The following SERPINB3 variants were observed in gnomAD, a reference collection of about 807,000 sequenced individuals.
SERPINB3 encodes serpin B3.
In SERPINB3, 33 loss-of-function variants were observed where a neutral mutation model predicts 33.0. The observed-to-expected ratio is 1.00, with a 90% CI of 0.76 to 1.34. The LOEUF (loss-of-function observed/expected upper bound fraction) is 1.34, where lower values mean the gene tolerates loss of function less well. SERPINB3 is among the 40% of genes most tolerant of loss of function. The pLI, the probability that SERPINB3 is intolerant of heterozygous loss-of-function variation, is 0.00. For synonymous variants in SERPINB3, 200 were observed against 170.9 expected, an observed-to-expected ratio of 1.17 and a Z score of -1.33; for missense variants, 518 against 461.5, an observed-to-expected ratio of 1.12 and a Z score of -1.12.
chr18:63,658,088 T>G lies in SERPINB3; in HGVS notation c.469+425A>C, dbSNP rs141665454. On this transcript the variant is annotated intron_variant, in intron 5 of 7. Coordinates refer to ENST00000283752, the MANE Select transcript of SERPINB3 (RefSeq NM_006919.3). ...GTGATCCAGGCAGCTCTAGTTCAGA[T>G]GGCAAAAGGGTGATTTACCAGAGAG... 4.6e-4 allele frequency among the ~76,000 whole-genome samples: 70 copies of G among 152,250 alleles called. No homozygotes were observed. The East Asian group carries it at 0.013, about 29-fold the overall frequency.
At chr18:63,658,765 T>A (rs1163982667) in intron 4 of SERPINB3, 135 bp from the exon 5 acceptor site, 1 of 686,050 alleles carries the variant, frequency 1.5e-6, no homozygotes, top group Non-Finnish European at 2.4e-6. Flanking sequence ...TCCATGCATA[T>A]TTTTATACTG....
rs772500410 is a variant in SERPINB3 at position 63,660,844 on chromosome 18, C to T, written c.178G>A (p.Asp60Asn). ...CCTGTGGTGTTCTCTGTGACTTGAT[C>T]AAAGTGAAGAACCTGGAAGAGACAT... The part of the protein sequence containing the change: ...AQQIKKVLHF[D>N]QVTENTTGKA... Residue 60 changes from aspartate (D) to asparagine (N), a missense_variant, in exon 3 of 8, where the codon GAT (aspartate) becomes AAT (asparagine). Asp to Asn is a conservative substitution (Grantham distance 23, BLOSUM62 1). Transcript: ENST00000283752. 4.3e-6 allele frequency: 7 copies of T among 1,613,262 alleles called. No individual in the cohort carries two copies. Among genetic ancestry groups the T allele is most frequent in the South Asian group, 2.2e-5 (2 of 91,054 alleles).
chr18:63,660,923 C>T, intron 2 of SERPINB3, 67 bp from the exon 3 acceptor site: 1 of 1,612,184 alleles, frequency 6.2e-7, no homozygotes. Flanking sequence ...AGTGGTCTCA[C>T]AGTTACGGGA....
At chr18:63,656,116 C>A in intron 7 of SERPINB3, 55 bp from the exon 8 acceptor site, 7 of 1,560,784 alleles carry the variant, frequency 4.5e-6, no homozygotes, top group Non-Finnish European at 5.2e-6. Context: ...TCTAATACAC[C>A]TTAACAATGA....
chr18:63,658,194 T>C (rs1913548119), intron 5 of SERPINB3, among the ~76,000 whole-genome samples: 5 of 152,150 alleles, frequency 3.3e-5, no homozygotes, highest in Admixed American at 3.3e-4. Flanking sequence ...AAATATTGGT[T>C]CTGATTTAAA....
intron 1 of SERPINB3, 42 bp from the exon 2 acceptor site, chr18:63,661,284 T>C: frequency 6.5e-7 from 1 of 1,541,398 alleles, no homozygotes; most frequent in Admixed American, 1.8e-5. Flanking sequence ...CTTTAATAAA[T>C]GGAATGGTAT....
chr18:63,656,826 CT>C lies in SERPINB3; in HGVS notation c.768+4del. ...GAAGGAAGAGTTGTAGATGCAAGTT[CT>C]TACCTTCTGGAGACCATCGATTTCA... On this transcript the variant is annotated splice_donor_region_variant and intron_variant, in intron 7 of 7. Coordinates refer to ENST00000283752, the MANE Select transcript of SERPINB3 (RefSeq NM_006919.3). 6.2e-7 allele frequency: 1 copy of C among 1,600,686 alleles called. No homozygotes were observed. Among genetic ancestry groups the C allele is most frequent in the Non-Finnish European group, 8.5e-7 (1 of 1,171,352 alleles).
intron 7 of SERPINB3, 111 bp from the exon 8 acceptor site, chr18:63,656,172 C>T: frequency 1.6e-6 from 2 of 1,275,896 alleles, no homozygotes; most frequent in Non-Finnish European, 2.1e-6. Context: ...ATGTGAAATA[C>T]AGAAGGTTCA....
At chr18:63,657,152 T>G (rs1165803586) in intron 6 of SERPINB3, 118 bp downstream of exon 6, 8 of 896,734 alleles carry the variant, frequency 8.9e-6, no homozygotes, top group Non-Finnish European at 1.1e-5. Context: ...GTTATAAGAC[T>G]AAAACAACAA....
In SERPINB3 at chr18:63,661,204, T is replaced by C. The variant is rs546374165; in HGVS notation, c.13A>G (p.Ser5Gly). MNSL[S>G]EANTKFMFDL... The stretch of plus-strand genomic sequence containing the variant: ...AACATGAACTTGGTGTTGGCTTCAC[T>C]GAGTGAATTCATGGTGAACTCGATG... The change falls in exon 2 of 8, where the codon AGT becomes GGT. Residue 5 changes from serine to glycine, a missense_variant. Coordinates refer to ENST00000283752, the MANE Select transcript of SERPINB3 (RefSeq NM_006919.3). 299 of 1,613,344 alleles carry C rather than the reference T, an allele frequency of 1.9e-4. 2 individuals are homozygous for C. In the South Asian group the frequency reaches 3.0e-3, roughly 16 times the overall value.
chr18:63,658,087 A>G (rs1361123965), intron 5 of SERPINB3, among the ~76,000 whole-genome samples: 1 of 152,122 alleles, frequency 6.6e-6, no homozygotes, highest in Non-Finnish European at 1.5e-5. Flanking sequence ...TCTAGTTCAG[A>G]TGGCAAAAGG....
rs186898907 is a variant in SERPINB3 at position 63,657,053 on chromosome 18, G to A, written c.613-67C>T. ...CAAGGCAAAAAGATAATATTATTGAGATATCAACACATCCTTCTTTTAAGA... is the reference window on the plus strand; with the variant it reads ...CAAGGCAAAAAGATAATATTATTGAAATATCAACACATCCTTCTTTTAAGA... On this transcript the variant is annotated intron_variant, in intron 6 of 7. Coordinates refer to ENST00000283752, the MANE Select transcript of SERPINB3 (RefSeq NM_006919.3). 1.7e-5 allele frequency: 23 copies of A among 1,346,044 alleles called. No individual in the cohort carries two copies. In the African/African-American group the frequency reaches 2.9e-4, roughly 17 times the overall value. 83.4% of individuals were successfully genotyped at this position (1,346,044 alleles called of 1,614,324 possible).
chr18:63,657,141 A>C, intron 6 of SERPINB3, 129 bp downstream of exon 6: 1 of 904,738 alleles, frequency 1.1e-6, no homozygotes, highest in Non-Finnish European at 1.6e-6. Flanking sequence ...AACTAAATAA[A>C]GTTATAAGAC....
At position 63,655,599 on chromosome 18, in the gene SERPINB3, G is replaced by A; in HGVS notation, c.*58C>T. 6.6e-7 allele frequency: 1 copy of A among 1,525,006 alleles called. No individual in the cohort carries two copies. Among genetic ancestry groups the A allele is most frequent in the Admixed American group, 2.0e-5 (1 of 50,056 alleles). 94.5% of individuals were successfully genotyped at this position (1,525,006 alleles called of 1,614,324 possible). A position where few individuals can be genotyped will look rare whatever the true frequency, so the allele number is the denominator to read the frequency against. On this transcript the variant is annotated 3_prime_UTR_variant, in exon 8 of 8. Transcript: ENST00000283752. ...GAGAATCTGTTGTTGCCAGCAATCA[G>A]TTTACCAGAACATCTGCAGGTGAAC...
Position 63,657,778 on chromosome 18 carries a change from T to G in SERPINB3, c.470-366A>C, listed in dbSNP as rs1466454769. On this transcript the variant is annotated intron_variant, in intron 5 of 7. Transcript: ENST00000283752. ...CCCTCCCTCCTCTTCCTACTTTTTT[T>G]TTTTTTTTTTTAACTACGGGGTCCC... is the stretch of plus-strand genomic sequence containing the variant. Among the ~76,000 whole-genome samples the G allele has an allele frequency of 4.6e-5, 7 of 151,838 alleles. No individual in the cohort carries two copies. The East Asian group carries it at 1.3e-3, about 29-fold the overall frequency.
chr18:63,658,671 T>G (rs7228687), intron 4 of SERPINB3, 41 bp from the exon 5 acceptor site: 713,624 of 1,482,350 alleles, frequency 0.48, 182,029 homozygotes, highest in Non-Finnish European at 0.52. Flanking sequence ...TAAGAGTAAT[T>G]TATGTAACTA....
In SERPINB3 at chr18:63,658,505, T is replaced by C; in HGVS notation, c.469+8A>G. On this transcript the variant is annotated splice_region_variant and intron_variant, in intron 5 of 7. Coordinates refer to ENST00000283752, the MANE Select transcript of SERPINB3 (RefSeq NM_006919.3). Reference sequence around the variant, plus strand: ...CAAAGGTGTTTCTATAATGGGTGGCTCTCCTACCATTCGTTTGACTTTCCA... The same window carrying C: ...CAAAGGTGTTTCTATAATGGGTGGCCCTCCTACCATTCGTTTGACTTTCCA... 2 of 1,606,090 alleles carry C rather than the reference T, an allele frequency of 1.2e-6. No homozygotes were observed. Among genetic ancestry groups the C allele is most frequent in the Non-Finnish European group, 1.7e-6 (2 of 1,173,844 alleles).
chr18:63,658,397 T>A (rs1293285592), intron 5 of SERPINB3, 116 bp downstream of exon 5: 2 of 835,456 alleles, frequency 2.4e-6, no homozygotes, highest in East Asian at 2.5e-5. Context: ...TGCCCTCTTC[T>A]TCCCTCCCTG....
intron 5 of SERPINB3, 125 bp downstream of exon 5, chr18:63,658,388 G>C: frequency 1.4e-6 from 1 of 731,316 alleles, no homozygotes; most frequent in Non-Finnish European, 2.3e-6. Flanking sequence ...CATCTGGAGT[G>C]CCCTCTTCTT....
Sources: gnomAD v4.1 joint callset for allele counts (sites outside exome capture counted in the v4.1 genomes callset) on GRCh38, gnomAD v4.1.1 for gene constraint, MANE v1.5 for transcripts, NCBI Gene and HGNC (gene_info 2026-07-23, HGNC 2026-07-21) for gene names.